Variants in CACNB2 observed in about 807,000 individuals in gnomAD.
CACNB2 encodes calcium voltage-gated channel auxiliary subunit beta 2.
A neutral mutation model predicts 73.3 loss-of-function variants in CACNB2; 42 were observed. The observed-to-expected ratio is 0.57, with a 90% confidence interval of 0.45 to 0.74. CACNB2 has a LOEUF of 0.74. Ranked by LOEUF, CACNB2 falls within the 30% of genes least tolerant of loss-of-function variation. CACNB2 has a pLI of 0.00. For synonymous variants in CACNB2, 348 were observed against 310.3 expected (o/e 1.12, Z -1.28); for missense variants, 940 against 853.0 (o/e 1.10, Z -1.27).
chr10:18,364,262 C>T (rs948702554), intron 2 of CACNB2, among the ~76,000 whole-genome samples: 4 of 149,056 alleles, frequency 2.7e-5, no homozygotes, highest in Non-Finnish European at 5.9e-5. Context: ...CTTCTACATG[C>T]GTTTTCTATA....
rs1033386217 is a variant in CACNB2 at position 18,334,317 on chromosome 10, G to A, written c.214-67607G>A. ...CCAGCTACTCCAGTGGCGTCTGTGC[G>A]CTTCTCCCAGAATCACAGAATAACT... On this transcript the variant is annotated intron_variant, in intron 2 of 13. Coordinates refer to ENST00000324631, the MANE Select transcript of CACNB2 (RefSeq NM_201596.3). Among the ~76,000 whole-genome samples, 10 of 152,200 alleles carry A rather than the reference G, an allele frequency of 6.6e-5. 1 individual carries two copies. Among genetic ancestry groups the A allele is most frequent in the Admixed American group, 6.5e-4 (10 of 15,284 alleles).
rs1417523648 is a variant in CACNB2 at position 18,297,889 on chromosome 10, C to G, written c.214-104035C>G. Among the ~76,000 whole-genome samples the G allele has an allele frequency of 3.3e-5, 5 of 152,308 alleles. No individual in the cohort carries two copies. In the South Asian group the frequency reaches 6.2e-4, roughly 19 times the overall value. ...ATGTGCTTCCTCCTGGGTTGGGCAT[C>G]TAGCCCAGGTATTTCTGAGTCTGAC... is the stretch of plus-strand genomic sequence containing the variant. On this transcript the variant is annotated intron_variant, in intron 2 of 13. Coordinates refer to ENST00000324631, the MANE Select transcript of CACNB2 (RefSeq NM_201596.3).
At chr10:18,161,335 C>T (rs956142049) in intron 2 of CACNB2, among the ~76,000 whole-genome samples, 2 of 152,176 alleles carry the variant, frequency 1.3e-5, no homozygotes, top group African/African-American at 4.8e-5. Flanking sequence ...GTGCCAGCCT[C>T]CATTTCTTCT....
chr10:18,370,554 C>G (rs537141938), intron 2 of CACNB2, among the ~76,000 whole-genome samples: 1 of 152,216 alleles, frequency 6.6e-6, no homozygotes, highest in Non-Finnish European at 1.5e-5. Flanking sequence ...CCCACCTTGG[C>G]CTTTCAAAGT....
intron 3 of CACNB2, among the ~76,000 whole-genome samples, chr10:18,485,235 G>A (rs1430815152): frequency 1.3e-5 from 2 of 152,108 alleles, no homozygotes; most frequent in African/African-American, 4.8e-5. Context: ...TTCCTTAATG[G>A]AAGGATTATT....
chr10:18,527,439 AAATG>A (rs2052587686), intron 9 of CACNB2, 145 bp from the exon 10 acceptor site: 2 of 624,266 alleles, frequency 3.2e-6, no homozygotes, highest in Non-Finnish European at 5.7e-6. Context: ...AAAAGAAAAA[AAATG>A]AATAAGTAAG....
At chr10:18,316,797 A>G (rs1309215915) in intron 2 of CACNB2, among the ~76,000 whole-genome samples, 1 of 152,172 alleles carries the variant, frequency 6.6e-6, no homozygotes, top group Non-Finnish European at 1.5e-5. Flanking sequence ...ATAAGCCTAT[A>G]AGAATAAATA....
intron 3 of CACNB2, among the ~76,000 whole-genome samples, chr10:18,497,213 A>AG (rs2049888631): frequency 6.6e-6 from 1 of 151,354 alleles, no homozygotes; most frequent in Non-Finnish European, 1.5e-5. Flanking sequence ...CTCTGTAAAA[A>AG]AAAAAAAAAA....
intron 2 of CACNB2, among the ~76,000 whole-genome samples, chr10:18,169,092 GC>G (rs1476884254): frequency 6.6e-6 from 1 of 152,038 alleles, no homozygotes; most frequent in African/African-American, 2.4e-5. Context: ...AGCTGTAATA[GC>G]ATACAATTAC....
At chr10:18,426,673 A>G (rs983565062) in intron 3 of CACNB2, among the ~76,000 whole-genome samples, 1 of 152,186 alleles carries the variant, frequency 6.6e-6, no homozygotes, top group African/African-American at 2.4e-5. Flanking sequence ...GAATGTGTCT[A>G]TAAAAAAATT....
chr10:18,357,303 A>G lies in CACNB2; in HGVS notation c.214-44621A>G, dbSNP rs1056274567. On this transcript the variant is annotated intron_variant, in intron 2 of 13. Coordinates refer to ENST00000324631, the MANE Select transcript of CACNB2 (RefSeq NM_201596.3). Reference sequence around the variant, plus strand: ...CCTTTATCATCCTGAAGTGAAATGTATAGTTAATGCAAACAACCAACACAC... The same window carrying G: ...CCTTTATCATCCTGAAGTGAAATGTGTAGTTAATGCAAACAACCAACACAC... Among the ~76,000 whole-genome samples, 5 of 152,188 alleles carry G rather than the reference A, an allele frequency of 3.3e-5. No individual in the cohort carries two copies. In the South Asian group the frequency reaches 1.0e-3, roughly 32 times the overall value.
At chr10:18,248,849 T>C (rs2036973847) in intron 2 of CACNB2, among the ~76,000 whole-genome samples, 1 of 152,202 alleles carries the variant, frequency 6.6e-6, no homozygotes. Context: ...CTTATTTTCC[T>C]GGGAAATGTG....
At chr10:18,352,553 A>C (rs2041752906) in intron 2 of CACNB2, among the ~76,000 whole-genome samples, 1 of 151,960 alleles carries the variant, frequency 6.6e-6, no homozygotes, top group Non-Finnish European at 1.5e-5. Context: ...ATTTTTAAGC[A>C]CTCTTGTTTA....
intron 2 of CACNB2, among the ~76,000 whole-genome samples, chr10:18,344,017 G>T (rs1264143417): frequency 6.7e-6 from 1 of 149,728 alleles, no homozygotes; most frequent in African/African-American, 2.5e-5. Flanking sequence ...GTAATTTTGG[G>T]TCGATTATTT....
At chr10:18,323,606 G>C (rs139474187) in intron 2 of CACNB2, among the ~76,000 whole-genome samples, 2 of 152,230 alleles carry the variant, frequency 1.3e-5, no homozygotes, top group East Asian at 3.9e-4. Flanking sequence ...TATTTCCAGT[G>C]TAAGATTGTA....
intron 9 of CACNB2, among the ~76,000 whole-genome samples, chr10:18,527,363 C>T (rs764278643): frequency 9.4e-5 from 14 of 149,366 alleles, no homozygotes; most frequent in African/African-American, 2.5e-4. Context: ...GCAGCCTGGG[C>T]GAGACTCTGT....
chr10:18,402,403 A>AC (rs1046294211), intron 3 of CACNB2, among the ~76,000 whole-genome samples: 34 of 151,804 alleles, frequency 2.2e-4, no homozygotes, highest in African/African-American at 8.2e-4. Context: ...AAAAAAAAAA[A>AC]AACAGACTGA....
intron 5 of CACNB2, among the ~76,000 whole-genome samples, chr10:18,504,141 C>T (rs940890593): frequency 2.0e-5 from 3 of 152,146 alleles, no homozygotes; most frequent in Admixed American, 6.5e-5. Context: ...AATGGGCTTG[C>T]CTAGGCTAAC....
At chr10:18,237,204 C>A (rs1368134910) in intron 2 of CACNB2, among the ~76,000 whole-genome samples, 1 of 152,104 alleles carries the variant, frequency 6.6e-6, no homozygotes, top group African/African-American at 2.4e-5. Flanking sequence ...TGTGTTCCCC[C>A]AGAAAGTATG....
Sources: allele counts gnomAD v4.1 joint callset (sites outside exome capture counted in the v4.1 genomes callset), GRCh38; gene constraint gnomAD v4.1.1; transcripts MANE v1.5; gene names NCBI Gene and HGNC (gene_info 2026-07-23, HGNC 2026-07-21).